DPP6: variants seen among roughly 807,000 people sequenced by gnomAD.
The protein encoded by DPP6 is A-type potassium channel modulatory protein DPP6.
In DPP6, 69 loss-of-function variants were observed where a neutral mutation model predicts 122.6. That is an observed-to-expected ratio of 0.56 (90% CI 0.46 to 0.69). DPP6 has a LOEUF of 0.69. Among genes scored for constraint, DPP6 ranks in the 30% least tolerant of loss-of-function variants. The pLI, the probability that DPP6 is intolerant of heterozygous loss-of-function variation, is 0.00. For missense variants in DPP6, 928 were observed against 1,116.9 expected, an observed-to-expected ratio of 0.83 and a Z score of 2.41; for synonymous variants, 418 against 433.1, an observed-to-expected ratio of 0.97 and a Z score of 0.43.
chr7:153,904,702 G>A (rs1799777820), intron 1 of DPP6, among the ~76,000 whole-genome samples: 1 of 152,162 alleles, frequency 6.6e-6, no homozygotes, highest in African/African-American at 2.4e-5. Context: ...CCTTCTTGGG[G>A]CTTCCATTCT....
rs535162425 is a variant in DPP6 at position 154,863,678 on chromosome 7, G to A, written c.1715-4317G>A. Among the ~76,000 whole-genome samples, 1 of 152,154 alleles carries A rather than the reference G, an allele frequency of 6.6e-6. No individual in the cohort carries two copies. Among genetic ancestry groups the A allele is most frequent in the East Asian group, 1.9e-4 (1 of 5,130 alleles). ...AAAATTACAAAATTTAGCCGGGCAT[G>A]GTGGTGTATGCCTGTAGTCCCAGCT... On this transcript the variant is annotated intron_variant, in intron 17 of 25. Coordinates refer to ENST00000377770, the MANE Select transcript of DPP6 (RefSeq NM_130797.4). The surrounding 1 kb of genome is among the most constrained non-coding windows in gnomAD (Gnocchi z 4.1).
intron 10 of DPP6, among the ~76,000 whole-genome samples, chr7:154,779,536 T>A (rs1342687298): frequency 6.6e-6 from 1 of 152,224 alleles, no homozygotes; most frequent in Admixed American, 6.5e-5. Flanking sequence ...AACCAGGACT[T>A]GAGCACGAGT....
At chr7:154,120,491 G>A (rs7786683) in intron 1 of DPP6, among the ~76,000 whole-genome samples, 9 of 151,988 alleles carry the variant, frequency 5.9e-5, no homozygotes, top group African/African-American at 1.7e-4. Context: ...TGATCCGCCC[G>A]CCTCAGCCTC....
At chr7:154,793,911 G>C in intron 10 of DPP6, 168 bp from the exon 11 acceptor site, 1 of 1,131,090 alleles carries the variant, frequency 8.8e-7, no homozygotes, top group Non-Finnish European at 1.2e-6. Context: ...TCCCGCGCCA[G>C]TGCAGATTCT....
At chr7:154,693,898 G>A (rs1304052166) in intron 7 of DPP6, among the ~76,000 whole-genome samples, 1 of 152,200 alleles carries the variant, frequency 6.6e-6, no homozygotes, top group Non-Finnish European at 1.5e-5. Context: ...TGGTGTGAGA[G>A]TAATAGATGC....
upstream of DPP6, chr7:153,887,012 G>A (rs1233983868): frequency 1.3e-5 from 2 of 152,738 alleles, no homozygotes; most frequent in East Asian, 1.9e-4. Flanking sequence ...CCGAGGAGGG[G>A]TGTCTGGGGA....
chr7:154,641,219 G>A (rs1836067266), intron 6 of DPP6, among the ~76,000 whole-genome samples: 1 of 152,180 alleles, frequency 6.6e-6, no homozygotes, highest in Admixed American at 6.6e-5. Flanking sequence ...TCCCAAGACA[G>A]CTGAATTTTG....
intron 1 of DPP6, among the ~76,000 whole-genome samples, chr7:154,061,379 T>A (rs1448457266): frequency 6.1e-5 from 9 of 147,100 alleles, no homozygotes; most frequent in African/African-American, 2.2e-4. Flanking sequence ...AGATGGCAGC[T>A]GGACTTTTAA....
chr7:154,602,620 A>G lies in DPP6; in HGVS notation c.628-35201A>G, dbSNP rs111710888. Reference sequence around the variant, plus strand: ...TTTGTGTGTGTGTTTTTGTAGAGACAGGGTTTCACCATGTTGACCAGACTG... The same window carrying G: ...TTTGTGTGTGTGTTTTTGTAGAGACGGGGTTTCACCATGTTGACCAGACTG... On this transcript the variant is annotated intron_variant, in intron 5 of 25. Coordinates refer to ENST00000377770, the MANE Select transcript of DPP6 (RefSeq NM_130797.4). Among the ~76,000 whole-genome samples, 4 of 119,462 alleles carry G rather than the reference A, an allele frequency of 3.3e-5. 2 individuals carry two copies. The highest frequency in any genetic ancestry group is 7.5e-5 in the Non-Finnish European group (4 of 53,228). The allele number at this position is 119,462 out of a possible 152,430, so 78.4% of individuals were successfully genotyped here.
the DPP6 span, among the ~76,000 whole-genome samples, chr7:153,775,315 CA>C: frequency 4.1e-5 from 6 of 145,552 alleles, no homozygotes; most frequent in South Asian, 1.4e-3. Context: ...GCAATAGACA[CA>C]AAAATTGAAT....
intron 1 of DPP6, among the ~76,000 whole-genome samples, chr7:153,957,596 A>T (rs770851200): frequency 6.6e-6 from 1 of 152,158 alleles, no homozygotes; most frequent in African/African-American, 2.4e-5. Context: ...AAGAGAAAGG[A>T]CTTGCTTTAT....
chr7:154,019,345 TTCTTTTCTTTTC>T (rs1798584496), intron 1 of DPP6, among the ~76,000 whole-genome samples: 3 of 152,160 alleles, frequency 2.0e-5, no homozygotes, highest in Non-Finnish European at 4.4e-5. Context: ...TTCTTCCTTT[TTCTTTTCTTTTC>T]TCTTTTCTCT....
chr7:154,417,336 G>A (rs764870809), intron 1 of DPP6, among the ~76,000 whole-genome samples: 54 of 152,278 alleles, frequency 3.5e-4, no homozygotes, highest in Non-Finnish European at 6.0e-4. Context: ...GTAGGTTTGG[G>A]GTGATGGCCC....
intron 1 of DPP6, among the ~76,000 whole-genome samples, chr7:154,324,261 C>A (rs1808226843): frequency 2.0e-5 from 3 of 152,218 alleles, no homozygotes; most frequent in African/African-American, 7.2e-5. Flanking sequence ...CTGCTCCTAG[C>A]CTTTCTGCTC....
chr7:153,892,802 C>G (rs1799262600), intron 1 of DPP6, among the ~76,000 whole-genome samples: 1 of 152,124 alleles, frequency 6.6e-6, no homozygotes, highest in Admixed American at 6.5e-5. Flanking sequence ...TCCAAAAATT[C>G]TAAGGTCACA....
Position 154,621,647 on chromosome 7 carries a change from A to G in DPP6, c.628-16174A>G, listed in dbSNP as rs142064676. Among the ~76,000 whole-genome samples the G allele has an allele frequency of 3.3e-3, 503 of 152,308 alleles. 2 individuals carry two copies. The Middle Eastern group carries it at 0.037, about 11-fold the overall frequency. On this transcript the variant is annotated intron_variant, in intron 5 of 25. Coordinates refer to ENST00000377770, the MANE Select transcript of DPP6 (RefSeq NM_130797.4). ...CTCCCAAAGTGCTAAGATTAGAGGC[A>G]TGAGCTACCGCACCAGGCCTCTAAT...
intron 1 of DPP6, among the ~76,000 whole-genome samples, chr7:153,991,787 G>A (rs1797189820): frequency 6.6e-6 from 1 of 152,076 alleles, no homozygotes; most frequent in Non-Finnish European, 1.5e-5. Context: ...CCACCTTGCA[G>A]CTGCCTCTCC....
intron 6 of DPP6, 127 bp downstream of exon 6, chr7:154,638,000 G>A (rs941073476): frequency 9.6e-7 from 1 of 1,036,622 alleles, no homozygotes; most frequent in Non-Finnish European, 1.4e-6. Flanking sequence ...AAGGGTGCTG[G>A]TATCGTGGCA....
rs577656814 is a variant in DPP6 at position 154,663,836 on chromosome 7, A to G, written c.681-5524A>G. ...TGAATCACCATGGCGTATTGGGCGT[A>G]GTATTCATATAGTCATGGTGAATCA... is the stretch of plus-strand genomic sequence containing the variant. On this transcript the variant is annotated intron_variant, in intron 6 of 25. Transcript: ENST00000377770. Among the ~76,000 whole-genome samples the G allele has an allele frequency of 1.9e-4, 22 of 117,800 alleles. 1 individual carries two copies. The highest frequency in any genetic ancestry group is 5.7e-4 in the African/African-American group (21 of 36,822). 77.3% of individuals were successfully genotyped at this position (117,800 alleles called of 152,430 possible).
Sources: allele counts gnomAD v4.1 joint callset (sites outside exome capture counted in the v4.1 genomes callset), GRCh38; gene constraint gnomAD v4.1.1; non-coding constraint Gnocchi (gnomAD v3.1); transcripts MANE v1.5; gene names NCBI Gene and HGNC (gene_info 2026-07-23, HGNC 2026-07-21).